The following XRN1 variants were observed in gnomAD, a reference collection of about 807,000 sequenced individuals.
The protein encoded by XRN1 is strand-exchange protein 1 homolog.
Under a neutral mutation model 222.3 loss-of-function variants are expected in XRN1, and 67 were observed. The observed-to-expected ratio is 0.30, with a 90% CI of 0.25 to 0.37. The LOEUF (loss-of-function observed/expected upper bound fraction) is 0.37, where lower values mean the gene tolerates loss of function less well. Among genes scored for constraint, XRN1 ranks in the 10% least tolerant of loss-of-function variants. The probability of loss-of-function intolerance (pLI) is 1.00; values close to 1 mark genes in which losing one functional copy is unlikely to be tolerated. For synonymous variants in XRN1, 643 were observed against 652.4 expected (o/e 0.99, Z 0.22); for missense variants, 1,707 against 2,000.2 (o/e 0.85, Z 2.80).
intron 20 of XRN1, among the ~76,000 whole-genome samples, chr3:142,388,300 C>T (rs2067584619): frequency 1.3e-5 from 2 of 152,124 alleles, no homozygotes; most frequent in Admixed American, 1.3e-4. Flanking sequence ...TTTATAATAA[C>T]ATTTTCTTCT....
At chr3:142,442,227 A>T (rs1437564515) in intron 1 of XRN1, among the ~76,000 whole-genome samples, 1 of 152,248 alleles carries the variant, frequency 6.6e-6, no homozygotes, top group Non-Finnish European at 1.5e-5. Context: ...ATCAAACATC[A>T]GGAAGCCATT....
chr3:142,341,612 A>C (rs1444226864), intron 33 of XRN1, among the ~76,000 whole-genome samples: 1 of 152,128 alleles, frequency 6.6e-6, no homozygotes, highest in Non-Finnish European at 1.5e-5. Flanking sequence ...ACTAAACTCT[A>C]ATCAAAAGAC....
At chr3:142,313,234 G>C (rs2065123844) in intron 39 of XRN1, 1 of 1,530,776 alleles carries the variant, frequency 6.5e-7, no homozygotes, top group East Asian at 2.2e-5. Context: ...ATGACAGGTA[G>C]AATCTTTCTT....
At chr3:142,318,503 A>T in intron 39 of XRN1, 89 bp downstream of exon 39, 1 of 1,190,590 alleles carries the variant, frequency 8.4e-7, no homozygotes, top group Non-Finnish European at 1.2e-6. Context: ...TTACATTCCT[A>T]GATATTTGAG....
At chr3:142,329,873 A>C (rs143455337) in intron 36 of XRN1, among the ~76,000 whole-genome samples, 7 of 152,198 alleles carry the variant, frequency 4.6e-5, no homozygotes, top group African/African-American at 1.7e-4. Flanking sequence ...GCACCTTATA[A>C]ATTTGGTCGA....
chr3:142,311,262 TTA>T lies in XRN1; in HGVS notation c.*247_*248del. On this transcript the variant is annotated 3_prime_UTR_variant, in exon 41 of 41. Coordinates refer to ENST00000392981, the MANE Select transcript of XRN1 (RefSeq NM_001282857.2). Reference sequence around the variant, plus strand: ...ATATTATTTTAATGCAAGGTTTAATTTAGTTTTTTATTACAGATTTATTGAGG... The same window carrying T: ...ATATTATTTTAATGCAAGGTTTAATTGTTTTTTATTACAGATTTATTGAGG... The T allele has an allele frequency of 3.4e-6, 1 of 293,140 alleles. No homozygotes were observed. The allele number at this position is 293,140 out of a possible 1,614,324, so 18.2% of individuals were successfully genotyped here. A position where few individuals can be genotyped will look rare whatever the true frequency, so the allele number is the denominator to read the frequency against.
rs140962991 is a variant in XRN1, at chr3:142,398,999, T to G, written c.2207+1445A>C. 9.7e-3 allele frequency among the ~76,000 whole-genome samples: 1,472 copies of G among 152,068 alleles called. 5 individuals are homozygous for G. The highest frequency in any genetic ancestry group is 0.016 in the Non-Finnish European group (1,078 of 67,966). On this transcript the variant is annotated intron_variant, in intron 19 of 40. Coordinates refer to ENST00000392981, the MANE Select transcript of XRN1 (RefSeq NM_001282857.2). ...TCAGGTATAAGTCTAACAAAACATGTACCTGATCAGTATGATGAAAAAAAC... is the reference window on the plus strand; with the variant it reads ...TCAGGTATAAGTCTAACAAAACATGGACCTGATCAGTATGATGAAAAAAAC...
intron 12 of XRN1, 87 bp from the exon 13 acceptor site, chr3:142,417,316 A>AC: frequency 9.9e-7 from 1 of 1,005,754 alleles, no homozygotes; most frequent in South Asian, 1.8e-5. Flanking sequence ...ACAACATTTT[A>AC]CCTCAGATGA....
At chr3:142,373,766 T>C (rs1159231313) in intron 25 of XRN1, among the ~76,000 whole-genome samples, 3 of 151,978 alleles carry the variant, frequency 2.0e-5, no homozygotes, top group Non-Finnish European at 4.4e-5. Flanking sequence ...GGCAGGCAGA[T>C]CACTTGAGGT....
chr3:142,439,447 TA>T (rs1297176191), intron 1 of XRN1, among the ~76,000 whole-genome samples: 4 of 152,154 alleles, frequency 2.6e-5, no homozygotes, highest in Admixed American at 2.6e-4. Context: ...TAAGGAAAAC[TA>T]GGAAGAAGCC....
chr3:142,421,191 A>G, intron 9 of XRN1, 38 bp from the exon 10 acceptor site: 1 of 1,481,644 alleles, frequency 6.7e-7, no homozygotes, highest in East Asian at 2.5e-5. Flanking sequence ...TAAATAATTT[A>G]AGTATATCTA....
chr3:142,311,918 C>G, intron 40 of XRN1, 105 bp from the exon 41 acceptor site: 1 of 1,144,296 alleles, frequency 8.7e-7, no homozygotes, highest in Non-Finnish European at 1.2e-6. Flanking sequence ...TCAATCACAG[C>G]TGATCTGTGA....
intron 15 of XRN1, among the ~76,000 whole-genome samples, chr3:142,410,487 G>GTTTT (rs751870329): frequency 0.026 from 1,767 of 68,118 alleles, 266 homozygotes; most frequent in African/African-American, 0.058. Context: ...TCTATCTCAT[G>GTTTT]TTTTTTTTTT....
intron 10 of XRN1, among the ~76,000 whole-genome samples, chr3:142,419,606 C>T (rs561252604): frequency 1.5e-4 from 23 of 152,168 alleles, no homozygotes; most frequent in Admixed American, 6.5e-4. Flanking sequence ...GTCAGGAGTT[C>T]GAGACCAGCA....
chr3:142,431,849 ATATATATTATATATAATATATTATAT>A (rs2069546294), intron 2 of XRN1, among the ~76,000 whole-genome samples: 2 of 38,264 alleles, frequency 5.2e-5, no homozygotes, highest in East Asian at 5.1e-4. Context: ...ATTAAAAAAT[ATATATATTATATATAATATATTATAT>A]TATATATATT....
intron 13 of XRN1, among the ~76,000 whole-genome samples, chr3:142,416,131 C>G (rs138585663): frequency 1.3e-4 from 20 of 152,002 alleles, no homozygotes; most frequent in African/African-American, 4.8e-4. Flanking sequence ...CCTTTCTAGC[C>G]CTTCCTAGAA....
At chr3:142,436,737 TAATA>T (rs2108187612) in intron 1 of XRN1, among the ~76,000 whole-genome samples, 1 of 152,250 alleles carries the variant, frequency 6.6e-6, no homozygotes, top group Admixed American at 6.5e-5. Context: ...ATAATATGCA[TAATA>T]TATATCATCA....
chr3:142,402,693 G>A (rs1306139838), intron 18 of XRN1, among the ~76,000 whole-genome samples: 1 of 152,044 alleles, frequency 6.6e-6, no homozygotes, highest in Admixed American at 6.6e-5. Context: ...AGGCAGTTCC[G>A]GTTAAACATC....
intron 29 of XRN1, among the ~76,000 whole-genome samples, chr3:142,360,136 A>G (rs1033332159): frequency 9.2e-5 from 14 of 152,170 alleles, no homozygotes; most frequent in African/African-American, 3.1e-4. Flanking sequence ...GAGGATCATT[A>G]TTGTCCCAAT....
Sources: allele counts gnomAD v4.1 joint callset (sites outside exome capture counted in the v4.1 genomes callset), GRCh38; gene constraint gnomAD v4.1.1; transcripts MANE v1.5; gene names NCBI Gene and HGNC (gene_info 2026-07-23, HGNC 2026-07-21).